Variants in ADGRG4 observed in about 807,000 individuals in gnomAD.
ADGRG4 encodes the protein adhesion G protein-coupled receptor G4.
Under a neutral mutation model 126.2 loss-of-function variants are expected in ADGRG4, and 122 were observed. That is an observed-to-expected ratio of 0.97 (90% CI 0.83 to 1.12). ADGRG4 has a LOEUF of 1.12. Among genes scored for constraint, ADGRG4 ranks in the 50% most tolerant of loss-of-function variants. The probability of loss-of-function intolerance (pLI) is 0.00; values close to 1 mark genes in which losing one functional copy is unlikely to be tolerated. For synonymous variants in ADGRG4, 943 were observed against 838.7 expected (o/e 1.12, Z -2.15); for missense variants, 2,481 against 2,251.8 (o/e 1.10, Z -2.06).
At chrX:136,325,181 G>C (rs1212480059) in intron 5 of ADGRG4, among the ~76,000 whole-genome samples, 1 of 111,590 alleles carries the variant, frequency 9.0e-6, no homozygotes, top group Admixed American at 9.6e-5. Flanking sequence ...TGTTGTTATG[G>C]GTTTTTTCCT....
intron 16 of ADGRG4, among the ~76,000 whole-genome samples, chrX:136,388,285 C>T (rs1408367861): frequency 1.8e-5 from 2 of 112,153 alleles, no homozygotes; most frequent in African/African-American, 6.5e-5. Flanking sequence ...TCCAGAAGGA[C>T]ATTTGCCTGC....
rs1310181067 is a variant in ADGRG4 at position 136,347,230 on chromosome X, C to G, written c.3524C>G (p.Ser1175Cys). 8.3e-7 allele frequency: 1 copy of G among 1,210,664 alleles called. No homozygotes were observed. Among genetic ancestry groups the G allele is most frequent in the South Asian group, 1.8e-5 (1 of 56,950 alleles). Residue 1175 changes from serine (S) to cysteine (C), a missense_variant, in exon 6 of 26, where the codon TCT becomes TGT. Transcript: ENST00000394143. ...ACACCAGAAGCAACTCAACCAATAT[C>G]TCAAGTAGAGGAGACTTCTACCTAT... ...TSTPEATQPI[S>C]QVEETSTYAL...
intron 15 of ADGRG4, among the ~76,000 whole-genome samples, chrX:136,377,167 C>CTTTTTTTTTTTTCT (rs2075231693): frequency 2.1e-5 from 1 of 48,654 alleles, no homozygotes; most frequent in African/African-American, 1.0e-4. Flanking sequence ...GTTTTCTTTC[C>CTTTTTTTTTTTTCT]TTTTTTTTTT....
Position 136,345,123 on chromosome X carries a change from C to G in ADGRG4, c.1417C>G (p.Leu473Val). The G allele has an allele frequency of 5.0e-6, 6 of 1,211,277 alleles. No individual in the cohort carries two copies. Among genetic ancestry groups the G allele is most frequent in the Non-Finnish European group, 6.7e-6 (6 of 895,096 alleles). The change falls in exon 6 of 26, where the codon CTC becomes GTC. Residue 473 changes from leucine to valine, a missense_variant. Leu to Val is a conservative substitution (Grantham distance 32, BLOSUM62 1). Transcript: ENST00000394143. ...ATCATCATTCCCACCTGAGCCTGTG[C>G]TCATCTCCACAGCTGCTCCAGTAGA... ...TASSFPPEPV[L>V]ISTAAPVDSV... is the part of the protein sequence containing the mutation.
At position 136,414,278 on chromosome X, in the gene ADGRG4, A is replaced by G; in HGVS notation, c.9156A>G (p.Lys3052=). 8.3e-7 allele frequency: 1 copy of G among 1,209,301 alleles called. No individual in the cohort carries two copies. Among genetic ancestry groups the G allele is most frequent in the Non-Finnish European group, 1.1e-6 (1 of 893,929 alleles). Residue 3052 remains lysine (K), a synonymous_variant, in exon 25 of 26, where the codon AAA becomes AAG. Transcript: ENST00000394143. ...LKSTATSSTF[K]SLGSAQGTPS... ...CAACTGCAACTAGCTCCACTTTCAA[A>G]TCTTTAGGCTCTGCACAAGGCACAC...
Position 136,348,358 on chromosome X carries a change from C to A in ADGRG4, c.4652C>A (p.Pro1551His). ...ATGCATCCAGGTTGTTTGAAAAGTC[C>A]CTGTACAGCCACTTCTGGGCCTATG... is the stretch of plus-strand genomic sequence containing the variant. Reference protein sequence around the residue: ...KTMHPGCLKSPCTATSGPMSE... With the variant: ...KTMHPGCLKSHCTATSGPMSE... Residue 1551 changes from proline to histidine, a missense_variant, in exon 6 of 26, where the codon CCC (proline) becomes CAC (histidine). Transcript: ENST00000394143. 1 of 1,209,989 alleles carries A rather than the reference C, an allele frequency of 8.3e-7. No homozygotes were observed. Among genetic ancestry groups the A allele is most frequent in the Non-Finnish European group, 1.1e-6 (1 of 894,308 alleles).
At chrX:136,368,916 A>G (rs748419490) in intron 13 of ADGRG4, among the ~76,000 whole-genome samples, 1 of 112,507 alleles carries the variant, frequency 8.9e-6, no homozygotes, top group Non-Finnish European at 1.9e-5. Flanking sequence ...CCAGCTGGTA[A>G]AAGTTGGCTC....
At chrX:136,387,579 T>C (rs1320785899) in intron 15 of ADGRG4, among the ~76,000 whole-genome samples, 161 bp from the exon 16 acceptor site, 1 of 109,967 alleles carries the variant, frequency 9.1e-6, no homozygotes, top group African/African-American at 3.3e-5. Context: ...CCTGTGACTG[T>C]GTGTGTGTGT....
At chrX:136,343,901 G>T (rs749225033) in intron 5 of ADGRG4, among the ~76,000 whole-genome samples, 2 of 111,815 alleles carry the variant, frequency 1.8e-5, no homozygotes, top group Non-Finnish European at 3.8e-5. Context: ...TTATGTAATG[G>T]GTGTGAAAGT....
intron 15 of ADGRG4, among the ~76,000 whole-genome samples, chrX:136,376,627 GGTATT>G (rs138629547): frequency 0.22 from 18,868 of 85,454 alleles, 2,038 homozygotes; most frequent in East Asian, 0.43. Context: ...TATATTCCTG[GGTATT>G]GTATTGTATT....
At position 136,345,445 on chromosome X, in the gene ADGRG4, C is replaced by T. The variant is rs143622916; in HGVS notation, c.1739C>T (p.Thr580Ile). The change falls in exon 6 of 26, where the codon ACA becomes ATA. Residue 580 changes from threonine (T) to isoleucine (I), a missense_variant. Thr to Ile is a moderately conservative substitution (Grantham distance 89). Transcript: ENST00000394143. ...SVQTVIDAEA[T>I]RTALTPEITL... ...CAGACAGTTATTGATGCTGAAGCTA[C>T]ACGTACAGCCTTAACTCCTGAAATC... is the stretch of plus-strand genomic sequence containing the variant. 3.2e-5 allele frequency: 39 copies of T among 1,206,687 alleles called. No individual in the cohort carries two copies. Among genetic ancestry groups the T allele is most frequent in the Non-Finnish European group, 2.2e-6 (2 of 892,455 alleles).
At chrX:136,378,168 A>C (rs1416683263) in intron 15 of ADGRG4, among the ~76,000 whole-genome samples, 1 of 111,151 alleles carries the variant, frequency 9.0e-6, no homozygotes, top group East Asian at 2.8e-4. Flanking sequence ...TTAGGTGGGG[A>C]GATATTGCAT....
intron 11 of ADGRG4, among the ~76,000 whole-genome samples, chrX:136,360,211 C>T (rs1240929003): frequency 2.7e-5 from 3 of 111,616 alleles, no homozygotes; most frequent in Non-Finnish European, 5.6e-5. Context: ...TTCACCCTCA[C>T]TCAGAATGGA....
chrX:136,383,496 G>A (rs2075274239), intron 15 of ADGRG4, among the ~76,000 whole-genome samples: 1 of 111,803 alleles, frequency 8.9e-6, no homozygotes, highest in African/African-American at 3.2e-5. Context: ...TAAAAGGTAT[G>A]TATGTATATT....
At chrX:136,407,950 C>T (rs1035553966) in intron 23 of ADGRG4, among the ~76,000 whole-genome samples, 18 of 112,067 alleles carry the variant, frequency 1.6e-4, no homozygotes, top group Admixed American at 6.6e-4. Context: ...TCCACGGAAA[C>T]GGTTTAGAAC....
At position 136,397,960 on chromosome X, in the gene ADGRG4, C is replaced by A; in HGVS notation, c.8264C>A (p.Ser2755Tyr). 1 of 1,203,801 alleles carries A rather than the reference C, an allele frequency of 8.3e-7. No homozygotes were observed. Among genetic ancestry groups the A allele is most frequent in the South Asian group, 1.8e-5 (1 of 56,723 alleles). ...LITYTGCGIS[S>Y]IFLGVAVVTY... ...ACATACACCGGATGTGGAATCTCCTCCATTTTTCTGGGAGTTGCAGTGGTG... is the reference window on the plus strand; with the variant it reads ...ACATACACCGGATGTGGAATCTCCTACATTTTTCTGGGAGTTGCAGTGGTG... The change falls in exon 20 of 26, where the codon TCC becomes TAC. Residue 2755 changes from serine to tyrosine, a missense_variant. Coordinates refer to ENST00000394143, the MANE Select transcript of ADGRG4 (RefSeq NM_153834.4).
Sources: gnomAD v4.1 joint callset for allele counts (sites outside exome capture counted in the v4.1 genomes callset) on GRCh38, gnomAD v4.1.1 for gene constraint, MANE v1.5 for transcripts, NCBI Gene and HGNC (gene_info 2026-07-23, HGNC 2026-07-21) for gene names.